NKAIN3: variants seen among roughly 807,000 people sequenced by gnomAD.
The protein encoded by NKAIN3 is sodium/potassium-transporting ATPase subunit beta-1-interacting protein 3.
A neutral mutation model predicts 30.2 loss-of-function variants in NKAIN3; 25 were observed. That is an observed-to-expected ratio of 0.83 (90% CI 0.60 to 1.16). NKAIN3 has a LOEUF of 1.16. Ranked by LOEUF, NKAIN3 falls within the 50% of genes most tolerant of loss-of-function variation. NKAIN3 has a pLI of 0.00. For synonymous variants in NKAIN3, 91 were observed against 89.6 expected (o/e 1.02, Z -0.09); for missense variants, 225 against 254.1 (o/e 0.89, Z 0.78).
chr8:62,909,189 G>A (rs1306590947), intron 4 of NKAIN3, among the ~76,000 whole-genome samples: 2 of 151,992 alleles, frequency 1.3e-5, no homozygotes, highest in East Asian at 1.9e-4. Context: ...TCTTATACAA[G>A]GCCTGCAGGT....
chr8:62,521,407 A>G (rs990148346), intron 1 of NKAIN3, among the ~76,000 whole-genome samples: 14 of 152,240 alleles, frequency 9.2e-5, no homozygotes, highest in African/African-American at 3.1e-4. Context: ...GCACTTAGCT[A>G]TGAATGCTGG....
At chr8:62,598,008 C>G (rs750231665) in intron 3 of NKAIN3, among the ~76,000 whole-genome samples, 1 of 151,960 alleles carries the variant, frequency 6.6e-6, no homozygotes, top group African/African-American at 2.4e-5. Flanking sequence ...AAAGTTCCAA[C>G]GTCAAACTCC....
At chr8:62,546,297 G>C (rs769952505) in intron 1 of NKAIN3, among the ~76,000 whole-genome samples, 1 of 152,116 alleles carries the variant, frequency 6.6e-6, no homozygotes, top group African/African-American at 2.4e-5. Context: ...TATTAGAGTA[G>C]ATATAAGAAA....
In NKAIN3 at chr8:62,975,147, G is replaced by A. The variant is rs182185586; in HGVS notation, c.*9740G>A. Among the ~76,000 whole-genome samples the A allele has an allele frequency of 1.3e-3, 195 of 152,206 alleles. 1 individual carries two copies. The highest frequency in any genetic ancestry group is 4.5e-3 in the African/African-American group (189 of 41,556). On this transcript the variant is annotated 3_prime_UTR_variant, in exon 7 of 7. Transcript: ENST00000623646. ...CATTTTTTGTTGTGTCTCTGCCTGG[G>A]ATTGGTATCAGAATGATGCTGGCCT...
chr8:62,324,578 G>T (rs1028657587), intron 1 of NKAIN3, among the ~76,000 whole-genome samples: 1 of 152,052 alleles, frequency 6.6e-6, no homozygotes, highest in Non-Finnish European at 1.5e-5. Context: ...TGCATATTTT[G>T]TCAGGAAATA....
chr8:62,793,292 T>TAA, intron 4 of NKAIN3, among the ~76,000 whole-genome samples: 1 of 152,190 alleles, frequency 6.6e-6, no homozygotes. Flanking sequence ...CTTGCTGGTT[T>TAA]TTTTGTAAAT....
chr8:62,908,653 C>T (rs968107202), intron 4 of NKAIN3, among the ~76,000 whole-genome samples: 2 of 152,182 alleles, frequency 1.3e-5, no homozygotes, highest in African/African-American at 2.4e-5. Flanking sequence ...TGCACACACT[C>T]TCTTGCCTCC....
intron 4 of NKAIN3, among the ~76,000 whole-genome samples, chr8:62,858,704 C>G (rs1820140233): frequency 6.6e-6 from 1 of 152,206 alleles, no homozygotes; most frequent in Admixed American, 6.5e-5. Context: ...TCTTCAAAGT[C>G]CACAGGCTGG....
At chr8:62,588,308 C>G (rs1434486504) in intron 2 of NKAIN3, among the ~76,000 whole-genome samples, 1 of 151,740 alleles carries the variant, frequency 6.6e-6, no homozygotes, top group African/African-American at 2.4e-5. Flanking sequence ...CCTGCATATA[C>G]CAAAAATCTC....
intron 4 of NKAIN3, among the ~76,000 whole-genome samples, chr8:62,756,851 C>T (rs1200655296): frequency 6.6e-6 from 1 of 152,136 alleles, no homozygotes; most frequent in South Asian, 2.1e-4. Flanking sequence ...TTTATGCCAT[C>T]GCTAAACAAC....
intron 1 of NKAIN3, among the ~76,000 whole-genome samples, chr8:62,457,778 TA>T (rs1187532336): frequency 2.0e-5 from 3 of 152,198 alleles, no homozygotes; most frequent in African/African-American, 7.2e-5. Context: ...AGGTGGATAA[TA>T]AAAAATAACT....
chr8:62,319,246 T>C (rs1394192443), intron 1 of NKAIN3, among the ~76,000 whole-genome samples: 5 of 152,262 alleles, frequency 3.3e-5, no homozygotes, highest in Admixed American at 2.0e-4. Flanking sequence ...GTCTTGCTAG[T>C]GGTCTATCAA....
intron 1 of NKAIN3, among the ~76,000 whole-genome samples, chr8:62,335,613 A>G (rs1815522503): frequency 6.6e-6 from 1 of 151,916 alleles, no homozygotes; most frequent in Admixed American, 6.6e-5. Context: ...TGCCCTCCCC[A>G]CAACATATAA....
intron 1 of NKAIN3, among the ~76,000 whole-genome samples, chr8:62,538,481 T>C (rs766942345): frequency 1.3e-5 from 2 of 152,080 alleles, no homozygotes; most frequent in African/African-American, 2.4e-5. Flanking sequence ...AGCCATAAAG[T>C]AGCTTTATAG....
intron 4 of NKAIN3, among the ~76,000 whole-genome samples, chr8:62,775,463 C>T (rs1374536099): frequency 2.0e-5 from 3 of 151,756 alleles, no homozygotes; most frequent in Non-Finnish European, 4.4e-5. Flanking sequence ...ACTTGCAATG[C>T]TCTTGCTTTC....
chr8:62,477,505 C>T (rs530327073), intron 1 of NKAIN3, among the ~76,000 whole-genome samples: 8 of 152,192 alleles, frequency 5.3e-5, no homozygotes, highest in African/African-American at 1.2e-4. Flanking sequence ...CCTCAGAGTC[C>T]GGGAAACTAT....
intron 1 of NKAIN3, among the ~76,000 whole-genome samples, chr8:62,343,255 A>T (rs183237774): frequency 7.6e-4 from 116 of 152,076 alleles, no homozygotes; most frequent in African/African-American, 2.7e-3. Flanking sequence ...AAATGGGGGT[A>T]ATAATAGTGC....
At chr8:62,740,576 TA>T (rs1815832133) in intron 3 of NKAIN3, among the ~76,000 whole-genome samples, 1 of 151,884 alleles carries the variant, frequency 6.6e-6, no homozygotes, top group Non-Finnish European at 1.5e-5. Context: ...CAAAGAATAA[TA>T]ATAGAGAGAC....
chr8:62,271,500 T>G (rs1812777403), intron 1 of NKAIN3, among the ~76,000 whole-genome samples: 1 of 152,170 alleles, frequency 6.6e-6, no homozygotes, highest in Admixed American at 6.6e-5. Flanking sequence ...TAGTATGAAA[T>G]GAAATGAAAA....
Sources: allele counts gnomAD v4.1 joint callset (sites outside exome capture counted in the v4.1 genomes callset), GRCh38; gene constraint gnomAD v4.1.1; transcripts MANE v1.5; gene names NCBI Gene and HGNC (gene_info 2026-07-23, HGNC 2026-07-21).